The following CADM2 variants were observed in gnomAD, a reference collection of about 807,000 sequenced individuals.
The protein encoded by CADM2 is immunoglobulin superfamily member 4D.
Under a neutral mutation model 49.8 loss-of-function variants are expected in CADM2, and 12 were observed. The ratio of observed to expected loss-of-function variants is 0.24; its 90% CI spans 0.15 to 0.39. The LOEUF is 0.39. Ranked by LOEUF, CADM2 falls within the 10% of genes least tolerant of loss-of-function variation. The pLI, the probability that CADM2 is intolerant of heterozygous loss-of-function variation, is 1.00. For synonymous variants in CADM2, 214 were observed against 175.4 expected, an observed-to-expected ratio of 1.22 and a Z score of -1.74; for missense variants, 378 against 492.3, an observed-to-expected ratio of 0.77 and a Z score of 2.20.
At chr3:85,554,290 C>T (rs2061893160) in intron 1 of CADM2, among the ~76,000 whole-genome samples, 3 of 152,264 alleles carry the variant, frequency 2.0e-5, no homozygotes, top group South Asian at 4.1e-4. Context: ...AATCTAATGC[C>T]GCCCCTGAAT....
chr3:85,573,273 A>G (rs2062536959), intron 1 of CADM2, among the ~76,000 whole-genome samples: 2 of 151,438 alleles, frequency 1.3e-5, no homozygotes, highest in South Asian at 2.1e-4. Flanking sequence ...GCTCACTACA[A>G]TCTCTGCTTC....
intron 3 of CADM2, among the ~76,000 whole-genome samples, chr3:85,823,053 T>C (rs1302962755): frequency 2.0e-5 from 3 of 152,176 alleles, no homozygotes; most frequent in Non-Finnish European, 2.9e-5. Flanking sequence ...AAGTGAAGGC[T>C]GGCTGTCCAA....
chr3:85,512,421 T>A (rs1025904566), intron 1 of CADM2, among the ~76,000 whole-genome samples: 4 of 152,102 alleles, frequency 2.6e-5, no homozygotes, highest in Non-Finnish European at 5.9e-5. Flanking sequence ...AGACCGTTGA[T>A]TTCATGTCTT....
intron 2 of CADM2, among the ~76,000 whole-genome samples, chr3:85,794,691 G>A (rs146765984): frequency 6.6e-6 from 1 of 152,118 alleles, no homozygotes; most frequent in East Asian, 1.9e-4. Flanking sequence ...TTTAAAATAA[G>A]CTCTCGATGA....
chr3:85,125,759 C>G (rs1444532671), intron 1 of CADM2, among the ~76,000 whole-genome samples: 2 of 152,154 alleles, frequency 1.3e-5, no homozygotes, highest in African/African-American at 4.8e-5. Context: ...CTGTAGCATC[C>G]TGGATCAAAA....
chr3:85,830,143 T>C (rs2074121082), intron 3 of CADM2, among the ~76,000 whole-genome samples: 1 of 151,996 alleles, frequency 6.6e-6, no homozygotes, highest in Admixed American at 6.6e-5. Context: ...ACCAACAATG[T>C]ACAAGTAATT....
At chr3:84,983,296 T>G (rs75540698) in intron 1 of CADM2, among the ~76,000 whole-genome samples, 3,132 of 152,080 alleles carry the variant, frequency 0.021, 122 homozygotes, top group African/African-American at 0.071. Context: ...GTAAGTGTTA[T>G]GCTAAAAATA....
intron 1 of CADM2, among the ~76,000 whole-genome samples, chr3:85,543,420 A>ATGTGTGTGGGGGGGGGTGTGTG: frequency 7.7e-6 from 1 of 129,584 alleles, no homozygotes; most frequent in Non-Finnish European, 1.7e-5. Flanking sequence ...TGCCAAGCTA[A>ATGTGTGTGGGGGGGGGTGTGTG]TGTGTGTGTG....
chr3:85,637,245 ATT>A (rs2064522302), intron 1 of CADM2, among the ~76,000 whole-genome samples: 1 of 152,184 alleles, frequency 6.6e-6, no homozygotes, highest in African/African-American at 2.4e-5. Flanking sequence ...AATATCAATA[ATT>A]TAATTGAATT....
At chr3:85,115,539 A>G (rs2038608784) in intron 1 of CADM2, among the ~76,000 whole-genome samples, 1 of 152,190 alleles carries the variant, frequency 6.6e-6, no homozygotes, top group Non-Finnish European at 1.5e-5. Flanking sequence ...TCTTGCAGTC[A>G]ATTCGGTCTA....
At chr3:85,262,088 T>C (rs1243402238) in intron 1 of CADM2, among the ~76,000 whole-genome samples, 2 of 152,086 alleles carry the variant, frequency 1.3e-5, no homozygotes, top group East Asian at 3.9e-4. Flanking sequence ...AAATGTTATG[T>C]CCAAAATGTC....
At chr3:85,191,534 A>T (rs192447311) in intron 1 of CADM2, among the ~76,000 whole-genome samples, 2 of 152,204 alleles carry the variant, frequency 1.3e-5, no homozygotes, top group East Asian at 3.9e-4. Flanking sequence ...TAATTTACTC[A>T]AAGTTGGGAT....
At chr3:85,315,388 A>C (rs1216272549) in intron 1 of CADM2, among the ~76,000 whole-genome samples, 1 of 152,222 alleles carries the variant, frequency 6.6e-6, no homozygotes, top group Non-Finnish European at 1.5e-5. Context: ...GGGGGTTAAA[A>C]GTTTAGCATA....
rs139997898 is a variant in CADM2, at chr3:85,139,224, A to G, written c.61+179556A>G. ...ATGCATGAAGTGACTAACTGTGTAT[A>G]TGCGTTTCAATAATGTCAATACACA... On this transcript the variant is annotated intron_variant, in intron 1 of 9. Transcript: ENST00000383699. 5.4e-3 allele frequency among the ~76,000 whole-genome samples: 821 copies of G among 152,290 alleles called. 3 individuals are homozygous for G. The highest frequency in any genetic ancestry group is 8.6e-3 in the Non-Finnish European group (583 of 68,018).
chr3:85,313,837 G>A (rs2044401381), intron 1 of CADM2, among the ~76,000 whole-genome samples: 1 of 152,126 alleles, frequency 6.6e-6, no homozygotes, highest in African/African-American at 2.4e-5. Context: ...GTTTTAAAAT[G>A]GAAAATGTGT....
In CADM2 at chr3:85,690,910, C is replaced by A. The variant is rs551451657; in HGVS notation, c.62-35612C>A. Among the ~76,000 whole-genome samples, 3 of 152,244 alleles carry A rather than the reference C, an allele frequency of 2.0e-5. No individual in the cohort carries two copies. In the East Asian group the frequency reaches 5.8e-4, roughly 29 times the overall value. On this transcript the variant is annotated intron_variant, in intron 1 of 9. Transcript: ENST00000383699. ...GCATCACCTTGTATATTTATCATTT[C>A]TTTGTGATGAGAACATTCAAAATCC...
chr3:85,520,788 G>A (rs556981547), intron 1 of CADM2, among the ~76,000 whole-genome samples: 1 of 152,052 alleles, frequency 6.6e-6, no homozygotes, highest in East Asian at 1.9e-4. Context: ...AGGTATTTTT[G>A]GACATGCATG....
intron 2 of CADM2, among the ~76,000 whole-genome samples, chr3:85,753,777 G>T (rs9835478): frequency 3.3e-5 from 5 of 152,000 alleles, no homozygotes; most frequent in African/African-American, 1.2e-4. Flanking sequence ...CCGCGAACTC[G>T]TATGCGTCTG....
intron 1 of CADM2, among the ~76,000 whole-genome samples, chr3:84,978,590 T>C (rs2031974507): frequency 6.6e-6 from 1 of 152,172 alleles, no homozygotes; most frequent in East Asian, 1.9e-4. Context: ...CCAGTGTTCA[T>C]TTAAAACAAT....
Sources: gnomAD v4.1 joint callset for allele counts (sites outside exome capture counted in the v4.1 genomes callset) on GRCh38, gnomAD v4.1.1 for gene constraint, MANE v1.5 for transcripts, NCBI Gene and HGNC (gene_info 2026-07-23, HGNC 2026-07-21) for gene names.